The following HHIPL1 variants were observed in gnomAD, a reference collection of about 807,000 sequenced individuals.
HHIPL1 encodes HHIP like 1, also known as HHIP-like protein 1.
Under a neutral mutation model 61.8 loss-of-function variants are expected in HHIPL1, and 43 were observed. That is an observed-to-expected ratio of 0.70 (90% CI 0.55 to 0.90). The LOEUF (loss-of-function observed/expected upper bound fraction) is 0.90. HHIPL1 is among the 40% of genes least tolerant of loss of function. HHIPL1 has a pLI of 0.00. For missense variants in HHIPL1, 1,056 were observed against 1,157.7 expected (o/e 0.91, Z 1.28); for synonymous variants, 482 against 515.8 (o/e 0.93, Z 0.89).
chr14:99,675,392 C>T lies in HHIPL1; in HGVS notation c.2115C>T (p.Asn705=). ...RWGTVCDDSW[N]ISGAAVVCRQ... ...GCACCGTGTGCGACGACTCCTGGAA[C>T]ATCAGCGGCGCCGCCGTCGTGTGTC... The change falls in exon 9 of 9, where the codon AAC becomes AAT. Residue 705 remains asparagine (N), a synonymous_variant. Transcript: ENST00000330710. This position sits in a 1 kb window ranked among gnomAD's most constrained non-coding sequence, Gnocchi z 5.4. The T allele has an allele frequency of 1.3e-6, 2 of 1,526,100 alleles. No individual in the cohort carries two copies. The highest frequency in any genetic ancestry group is 1.8e-6 in the Non-Finnish European group (2 of 1,139,902). 94.5% of individuals were successfully genotyped at this position (1,526,100 alleles called of 1,614,324 possible).
the HHIPL1 span, among the ~76,000 whole-genome samples, chr14:99,627,465 C>G: frequency 6.6e-6 from 1 of 152,242 alleles, no homozygotes; most frequent in Non-Finnish European, 1.5e-5. The surrounding 1 kb of genome is among the most constrained non-coding windows in gnomAD (Gnocchi z 4.4). Flanking sequence ...TACATTTCTT[C>G]ATTCAGTTCC....
Position 99,677,733 on chromosome 14 carries a change from G to C in HHIPL1, c.*2107G>C, listed in dbSNP as rs2056404934. 1.3e-5 allele frequency: 2 copies of C among 152,264 alleles called. No homozygotes were observed. 9.4% of individuals were successfully genotyped at this position (152,264 alleles called of 1,614,324 possible). A position where few individuals can be genotyped will look rare whatever the true frequency, so the allele number is the denominator to read the frequency against. On this transcript the variant is annotated 3_prime_UTR_variant, in exon 9 of 9. Coordinates refer to ENST00000330710, the MANE Select transcript of HHIPL1 (RefSeq NM_001127258.3). This position sits in a 1 kb window ranked among gnomAD's most constrained non-coding sequence, Gnocchi z 4.3. ...CTTGCCTGGCCCCAGAAGCTGTTTT[G>C]CTCAGAGCTGGATTAGGAGGGTTGG...
intron 5 of HHIPL1, among the ~76,000 whole-genome samples, chr14:99,661,402 A>AG (rs2056148960): frequency 2.4e-5 from 3 of 122,732 alleles, no homozygotes; most frequent in African/African-American, 3.4e-5. Context: ...AGAGAGAAAG[A>AG]AAGAGAGAGA....
At chr14:99,624,418 C>T in the HHIPL1 span, among the ~76,000 whole-genome samples, 5 of 152,148 alleles carry the variant, frequency 3.3e-5, no homozygotes, top group Admixed American at 1.3e-4. Context: ...GTGAAGTCCA[C>T]GACACAGGAC....
intron 6 of HHIPL1, among the ~76,000 whole-genome samples, chr14:99,664,406 C>A (rs2056207730): frequency 6.6e-6 from 1 of 152,176 alleles, no homozygotes; most frequent in Non-Finnish European, 1.5e-5. Flanking sequence ...GTTTTAGAAG[C>A]AGGGGTGCCC....
At chr14:99,617,044 G>A in the HHIPL1 span, among the ~76,000 whole-genome samples, 6 of 152,344 alleles carry the variant, frequency 3.9e-5, no homozygotes, top group South Asian at 1.2e-3. Context: ...AGTGGCCCCA[G>A]AGCAGAAGCT....
At chr14:99,655,341 G>C (rs1268773242) in intron 2 of HHIPL1, among the ~76,000 whole-genome samples, 2 of 152,202 alleles carry the variant, frequency 1.3e-5, no homozygotes, top group Non-Finnish European at 2.9e-5. Flanking sequence ...GGATTAATAG[G>C]CTGGGTGCGG....
upstream of HHIPL1, among the ~76,000 whole-genome samples, chr14:99,642,477 C>T (rs764284835): frequency 3.3e-5 from 5 of 151,932 alleles, no homozygotes; most frequent in Admixed American, 6.6e-5. Context: ...CTTGTCAGCT[C>T]GGCAAGGGCA....
chr14:99,634,213 C>G, the HHIPL1 span, among the ~76,000 whole-genome samples: 2 of 152,200 alleles, frequency 1.3e-5, no homozygotes, highest in Non-Finnish European at 2.9e-5. Flanking sequence ...TGTGTCTGTG[C>G]AAGTGTGTGC....
Position 99,660,524 on chromosome 14 carries a change from G to T in HHIPL1, c.1502+118G>T. 7.6e-7 allele frequency: 1 copy of T among 1,319,350 alleles called. No homozygotes were observed. Among genetic ancestry groups the T allele is most frequent in the Non-Finnish European group, 1.0e-6 (1 of 953,546 alleles). 81.7% of individuals were successfully genotyped at this position (1,319,350 alleles called of 1,614,324 possible). ...TCCTGCACATGTGCCTCGCTGCTCT[G>T]ACAGGGGCCCCTAGGTGTGGGCCGG... On this transcript the variant is annotated intron_variant, in intron 5 of 8. Coordinates refer to ENST00000330710, the MANE Select transcript of HHIPL1 (RefSeq NM_001127258.3). The surrounding 1 kb of genome is among the most constrained non-coding windows in gnomAD (Gnocchi z 4.9).
the HHIPL1 span, chr14:99,625,183 C>A: frequency 1.3e-5 from 2 of 152,180 alleles, no homozygotes; most frequent in Non-Finnish European, 2.9e-5. Flanking sequence ...CATCCCAAGC[C>A]GGGTTGGCCA....
At chr14:99,669,413 A>G (rs17642708) in intron 7 of HHIPL1, 155,798 of 827,522 alleles carry the variant, frequency 0.19, 15,374 homozygotes, top group Middle Eastern at 0.28. Context: ...GAGAATCCAC[A>G]CCTTTGGCAG....
chr14:99,654,606 A>T (rs2055997995), intron 2 of HHIPL1, among the ~76,000 whole-genome samples: 2 of 152,214 alleles, frequency 1.3e-5, no homozygotes, highest in Admixed American at 6.5e-5. Context: ...TGTGAGGGCA[A>T]ATTGGCAAAG....
At chr14:99,645,018 G>A, upstream of HHIPL1, 1 of 440,058 alleles carries the variant, frequency 2.3e-6, no homozygotes, top group Non-Finnish European at 3.7e-6. Context: ...CGCATTCTGC[G>A]CCGCGTCCCT....
At chr14:99,669,290 C>A in intron 7 of HHIPL1, 1 of 1,035,192 alleles carries the variant, frequency 9.7e-7, no homozygotes, top group South Asian at 4.1e-5. Flanking sequence ...TGCTTCTCAG[C>A]CCTTAGATTT....
the HHIPL1 span, among the ~76,000 whole-genome samples, chr14:99,626,607 GGAT>G: frequency 6.6e-6 from 1 of 152,212 alleles, no homozygotes; most frequent in African/African-American, 2.4e-5. Flanking sequence ...TGCCTGAAAG[GGAT>G]GGCTCTGTAG....
the HHIPL1 span, among the ~76,000 whole-genome samples, chr14:99,627,768 A>G: frequency 6.6e-6 from 1 of 152,202 alleles, no homozygotes; most frequent in African/African-American, 2.4e-5. This position sits in a 1 kb window ranked among gnomAD's most constrained non-coding sequence, Gnocchi z 4.4. Context: ...CACCAGGCAA[A>G]AAGGGGGACT....
In HHIPL1 at chr14:99,664,904, A is replaced by AT. The variant is rs1419799830; in HGVS notation, c.1648+1893dup. ...CCCAAAGATACAGGGGAAATTGTCCATTTTTTTTTTCTTTTTTTTTTTTTT... is the reference window on the plus strand; with the variant it reads ...CCCAAAGATACAGGGGAAATTGTCCATTTTTTTTTTTCTTTTTTTTTTTTTT... On this transcript the variant is annotated intron_variant, in intron 6 of 8. Transcript: ENST00000330710. Among the ~76,000 whole-genome samples the AT allele has an allele frequency of 2.5e-3, 333 of 134,058 alleles. 2 individuals carry two copies. Among genetic ancestry groups the AT allele is most frequent in the African/African-American group, 9.8e-3 (310 of 31,732 alleles). 87.9% of individuals were successfully genotyped at this position (134,058 alleles called of 152,430 possible).
chr14:99,671,579 G>C (rs2056326800), intron 7 of HHIPL1, among the ~76,000 whole-genome samples: 1 of 152,206 alleles, frequency 6.6e-6, no homozygotes, highest in Admixed American at 6.5e-5. Context: ...ACGTGGGTCT[G>C]TCCTGGAATG....
Sources: allele counts gnomAD v4.1 joint callset (sites outside exome capture counted in the v4.1 genomes callset), GRCh38; gene constraint gnomAD v4.1.1; non-coding constraint Gnocchi (gnomAD v3.1); transcripts MANE v1.5; gene names NCBI Gene and HGNC (gene_info 2026-07-23, HGNC 2026-07-21).